The following ADGRG5 variants were observed in gnomAD, a reference collection of about 807,000 sequenced individuals.
ADGRG5 encodes adhesion G protein-coupled receptor G5.
A neutral mutation model predicts 53.2 loss-of-function variants in ADGRG5; 37 were observed. That is an observed-to-expected ratio of 0.70 (90% CI 0.53 to 0.91). The LOEUF is 0.91. Among genes scored for constraint, ADGRG5 ranks in the 40% least tolerant of loss-of-function variants. The probability of loss-of-function intolerance (pLI) is 0.00; values close to 1 mark genes in which losing one functional copy is unlikely to be tolerated. For synonymous variants in ADGRG5, 277 were observed against 290.4 expected, an observed-to-expected ratio of 0.95 and a Z score of 0.47; for missense variants, 614 against 675.8, an observed-to-expected ratio of 0.91 and a Z score of 1.01.
rs751363167 is a variant in ADGRG5, at chr16:57,574,064, T to C, written c.1209-751T>C. ...TAGGAAGTCCTTACATTTCCCTGTC[T>C]CTAAACCCTTTTCTCCTGCCTCAGC... is the stretch of plus-strand genomic sequence containing the variant. On this transcript the variant is annotated intron_variant, in intron 10 of 11. Transcript: ENST00000349457. The surrounding 1 kb of genome is among the most constrained non-coding windows in gnomAD (Gnocchi z 4.4). 6.6e-6 allele frequency among the ~76,000 whole-genome samples: 1 copy of C among 152,150 alleles called. No homozygotes were observed. The highest frequency in any genetic ancestry group is 2.1e-4 in the South Asian group (1 of 4,834).
At chr16:57,547,662 G>C (rs1276647788) in intron 1 of ADGRG5, among the ~76,000 whole-genome samples, 4 of 152,098 alleles carry the variant, frequency 2.6e-5, no homozygotes, top group African/African-American at 9.7e-5. Flanking sequence ...GACCAGGATG[G>C]TCTCAATCTC....
At position 57,575,089 on chromosome 16, in the gene ADGRG5, T is replaced by C; in HGVS notation, c.1483T>C (p.Tyr495His). 6.2e-7 allele frequency: 1 copy of C among 1,611,412 alleles called. No individual in the cohort carries two copies. Among genetic ancestry groups the C allele is most frequent in the Non-Finnish European group, 8.5e-7 (1 of 1,178,788 alleles). ...LFLFTILNSL[Y>H]GFFLFLWFCS... ...CCTCTTCACCATCTTAAACTCGCTCTACGGTAGGGCTGGAGGGCGGCCTGG... is the reference window on the plus strand; with the variant it reads ...CCTCTTCACCATCTTAAACTCGCTCCACGGTAGGGCTGGAGGGCGGCCTGG... The change falls in exon 11 of 12, where the codon TAC (tyrosine) becomes CAC (histidine). Residue 495 changes from tyrosine to histidine, a missense_variant. Coordinates refer to ENST00000349457, the MANE Select transcript of ADGRG5 (RefSeq NM_001304376.3).
upstream of ADGRG5, among the ~76,000 whole-genome samples, chr16:57,539,453 C>CTTTTTTTTTTTTTT (rs375117285): frequency 2.8e-5 from 3 of 108,778 alleles, 1 homozygote; most frequent in Non-Finnish European, 6.5e-5. Flanking sequence ...GCACTGTACC[C>CTTTTTTTTTTTTTT]CTTTTTTTTT....
Position 57,543,352 on chromosome 16 carries a change from G to A in ADGRG5, c.-39+651G>A, listed in dbSNP as rs559338557. 4.5e-5 allele frequency among the ~76,000 whole-genome samples: 6 copies of A among 134,752 alleles called. No individual in the cohort carries two copies. In the South Asian group the frequency reaches 7.0e-4, roughly 16 times the overall value. 88.4% of individuals were successfully genotyped at this position (134,752 alleles called of 152,430 possible). On this transcript the variant is annotated intron_variant, in intron 1 of 11. Coordinates refer to ENST00000349457, the MANE Select transcript of ADGRG5 (RefSeq NM_001304376.3). ...GGCTGGAGTGCAGTGGTGCGATCTC[G>A]GCTCACTGCAACCTCCACCTCCCAG...
At chr16:57,543,560 G>A (rs1284929826) in intron 1 of ADGRG5, among the ~76,000 whole-genome samples, 2 of 152,180 alleles carry the variant, frequency 1.3e-5, no homozygotes, top group African/African-American at 4.8e-5. Context: ...TGGGATTACA[G>A]GCGTGAGCCA....
At chr16:57,557,750 G>T (rs1164293220) in intron 1 of ADGRG5, among the ~76,000 whole-genome samples, 1 of 152,110 alleles carries the variant, frequency 6.6e-6, no homozygotes, top group African/African-American at 2.4e-5. Context: ...TGTCCAGTTT[G>T]CTAATAAACC....
At chr16:57,569,716 A>G (rs1486951013) in intron 9 of ADGRG5, among the ~76,000 whole-genome samples, 1 of 146,646 alleles carries the variant, frequency 6.8e-6, no homozygotes, top group Admixed American at 6.8e-5. Flanking sequence ...CTCTATCACC[A>G]TCGTCATCAC....
chr16:57,551,071 A>G (rs1431802152), intron 1 of ADGRG5, among the ~76,000 whole-genome samples: 1 of 152,194 alleles, frequency 6.6e-6, no homozygotes, highest in African/African-American at 2.4e-5. Context: ...ACTGTAGTCT[A>G]TTTAGTGTAC....
the ADGRG5 span, among the ~76,000 whole-genome samples, chr16:57,537,282 C>G: frequency 6.6e-6 from 1 of 151,126 alleles, no homozygotes; most frequent in Non-Finnish European, 1.5e-5. Context: ...GGAGGACTCC[C>G]CACTACATCC....
At chr16:57,530,041 G>A in the ADGRG5 span, among the ~76,000 whole-genome samples, 1 of 152,200 alleles carries the variant, frequency 6.6e-6, no homozygotes, top group Non-Finnish European at 1.5e-5. Context: ...GTATCTATGA[G>A]TACAAATTCA....
In ADGRG5 at chr16:57,566,606, A is replaced by C; in HGVS notation, c.554A>C (p.Tyr185Ser). The C allele has an allele frequency of 2.6e-6, 4 of 1,525,408 alleles. No homozygotes were observed. The highest frequency in any genetic ancestry group is 2.6e-6 in the Non-Finnish European group (3 of 1,137,884). The allele number at this position is 1,525,408 out of a possible 1,614,324, so 94.5% of individuals were successfully genotyped here. Reference sequence around the variant, plus strand: ...CCCAGCATCTCCACCCAGGAAGGCTACACCCTGACCTGTGTCTTCTGGAAG... The same window carrying C: ...CCCAGCATCTCCACCCAGGAAGGCTCCACCCTGACCTGTGTCTTCTGGAAG... ...SFWHNQSLEG[Y>S]TLTCVFWKEG... The change falls in exon 7 of 12, where the codon TAC becomes TCC. Residue 185 changes from tyrosine (Y) to serine (S), a missense_variant. Physicochemically the swap from Tyr to Ser is moderately radical, Grantham distance 144. Transcript: ENST00000349457.
chr16:57,546,902 G>A (rs924016114), intron 1 of ADGRG5, among the ~76,000 whole-genome samples: 4 of 152,032 alleles, frequency 2.6e-5, no homozygotes, highest in African/African-American at 9.7e-5. Flanking sequence ...GTAGAGATGG[G>A]GGTCTTGCTG....
Position 57,565,031 on chromosome 16 carries a change from C to T in ADGRG5, c.430-3C>T, listed in dbSNP as rs2033098696. On this transcript the variant is annotated splice_region_variant and splice_polypyrimidine_tract_variant and intron_variant, in intron 5 of 11. Transcript: ENST00000349457. Reference sequence around the variant, plus strand: ...CTCAGCCCTTCTCCTGCTGCCCTTCCAGGATGAAAACAACTCATCTCTGCT... The same window carrying T: ...CTCAGCCCTTCTCCTGCTGCCCTTCTAGGATGAAAACAACTCATCTCTGCT... The T allele has an allele frequency of 1.2e-6, 2 of 1,601,996 alleles. No individual in the cohort carries two copies. Among genetic ancestry groups the T allele is most frequent in the African/African-American group, 1.3e-5 (1 of 74,780 alleles).
intron 1 of ADGRG5, among the ~76,000 whole-genome samples, chr16:57,544,294 C>T (rs536602046): frequency 6.6e-6 from 1 of 152,278 alleles, no homozygotes; most frequent in South Asian, 2.1e-4. Flanking sequence ...ATTGCTGTTT[C>T]CTAGAAGGCC....
chr16:57,570,086 C>T (rs1295724422), intron 9 of ADGRG5, among the ~76,000 whole-genome samples: 1 of 152,188 alleles, frequency 6.6e-6, no homozygotes, highest in Non-Finnish European at 1.5e-5. Flanking sequence ...ATCACTGGTA[C>T]CTTCATCACC....
chr16:57,556,648 A>G (rs2032888605), intron 1 of ADGRG5, among the ~76,000 whole-genome samples: 1 of 152,166 alleles, frequency 6.6e-6, no homozygotes, highest in African/African-American at 2.4e-5. Flanking sequence ...TTCTACTTCT[A>G]CAGACACTGT....
At chr16:57,562,322 C>T (rs1478002820) in intron 2 of ADGRG5, 62 bp from the exon 3 acceptor site, 3 of 1,497,974 alleles carry the variant, frequency 2.0e-6, no homozygotes, top group South Asian at 2.3e-5. Flanking sequence ...ATGGAAAGCC[C>T]AGAGGTTGTG....
rs1301937154 is a variant in ADGRG5 at position 57,574,916 on chromosome 16, C to T, written c.1310C>T (p.Thr437Ile). The T allele has an allele frequency of 3.7e-6, 6 of 1,612,964 alleles. No homozygotes were observed. The highest frequency in any genetic ancestry group is 5.1e-6 in the Non-Finnish European group (6 of 1,179,962). ...NLVVLAWALWTLRRLRERADA... is the reference protein window; with the variant it reads ...NLVVLAWALWILRRLRERADA... The stretch of plus-strand genomic sequence containing the variant: ...GTGGTGCTGGCCTGGGCGCTGTGGA[C>T]CCTGCGCAGGCTGCGGGAGCGGGCG... Residue 437 changes from threonine (T) to isoleucine (I), a missense_variant, in exon 11 of 12, where the codon ACC becomes ATC. By Grantham distance (89) the Thr-to-Ile change is moderately conservative. Transcript: ENST00000349457. The surrounding 1 kb of genome is among the most constrained non-coding windows in gnomAD (Gnocchi z 4.4).
intron 1 of ADGRG5, among the ~76,000 whole-genome samples, chr16:57,560,613 C>G (rs1157700637): frequency 5.3e-5 from 8 of 152,030 alleles, no homozygotes; most frequent in Non-Finnish European, 1.2e-4. Flanking sequence ...CTTAATTCCC[C>G]CTTCTGTTCT....
Sources: allele counts gnomAD v4.1 joint callset (sites outside exome capture counted in the v4.1 genomes callset), GRCh38; gene constraint gnomAD v4.1.1; non-coding constraint Gnocchi (gnomAD v3.1); transcripts MANE v1.5; gene names NCBI Gene and HGNC (gene_info 2026-07-23, HGNC 2026-07-21).